The following SGCZ variants were observed in gnomAD, a reference collection of about 807,000 sequenced individuals.
SGCZ encodes the protein zeta-sarcoglycan.
In SGCZ, 40 loss-of-function variants were observed where a neutral mutation model predicts 41.3. That is an observed-to-expected ratio of 0.97 (90% confidence interval 0.75 to 1.26). SGCZ has a LOEUF of 1.26. Among genes scored for constraint, SGCZ ranks in the 50% most tolerant of loss-of-function variants. SGCZ has a pLI of 0.00. For synonymous variants in SGCZ, 206 were observed against 137.5 expected, an observed-to-expected ratio of 1.50 and a Z score of -3.49; for missense variants, 552 against 369.8, an observed-to-expected ratio of 1.49 and a Z score of -4.04.
At chr8:14,250,397 A>C (rs951967691) in intron 3 of SGCZ, among the ~76,000 whole-genome samples, 1 of 152,202 alleles carries the variant, frequency 6.6e-6, no homozygotes, top group Non-Finnish European at 1.5e-5. Flanking sequence ...TTTTTAAAGC[A>C]ATACTGCAGT....
intron 1 of SGCZ, among the ~76,000 whole-genome samples, chr8:14,907,712 A>G (rs1799161419): frequency 6.6e-6 from 1 of 152,148 alleles, no homozygotes; most frequent in Admixed American, 6.5e-5. Context: ...GAGTGCGTCC[A>G]TTAGGGTTGT....
intron 2 of SGCZ, among the ~76,000 whole-genome samples, chr8:14,335,054 A>T (rs1485940381): frequency 6.6e-6 from 1 of 152,138 alleles, no homozygotes; most frequent in Admixed American, 6.6e-5. Context: ...GCACATGAAG[A>T]CACAGATGAG....
At chr8:14,200,478 G>C (rs1019598920) in intron 4 of SGCZ, among the ~76,000 whole-genome samples, 2 of 152,110 alleles carry the variant, frequency 1.3e-5, no homozygotes, top group Admixed American at 6.5e-5. Context: ...ATCATGTACA[G>C]TGCAGTATTT....
chr8:14,342,478 G>A (rs1022465849), intron 2 of SGCZ, among the ~76,000 whole-genome samples: 1 of 152,040 alleles, frequency 6.6e-6, no homozygotes, highest in Non-Finnish European at 1.5e-5. Flanking sequence ...ATCACGCCCG[G>A]CTAATTTTTT....
chr8:15,053,062 C>G (rs1448284308), intron 1 of SGCZ, among the ~76,000 whole-genome samples: 1 of 152,156 alleles, frequency 6.6e-6, no homozygotes, highest in Non-Finnish European at 1.5e-5. Flanking sequence ...AATCTATACT[C>G]TAACCCAAGC....
intron 2 of SGCZ, among the ~76,000 whole-genome samples, chr8:14,415,674 T>A (rs1025209802): frequency 1.3e-5 from 2 of 151,970 alleles, no homozygotes; most frequent in African/African-American, 2.4e-5. Flanking sequence ...AGTGAATTTA[T>A]TAAAGCTGTA....
chr8:15,031,782 C>G (rs933698081), intron 1 of SGCZ, among the ~76,000 whole-genome samples: 1 of 152,124 alleles, frequency 6.6e-6, no homozygotes, highest in Non-Finnish European at 1.5e-5. Context: ...GTCAAATAAA[C>G]AGTGAACAGG....
intron 1 of SGCZ, among the ~76,000 whole-genome samples, chr8:14,818,429 AACAT>A (rs1423556448): frequency 6.6e-6 from 1 of 152,186 alleles, no homozygotes; most frequent in Non-Finnish European, 1.5e-5. Context: ...AACCAAAACC[AACAT>A]ACCATAACAA....
intron 1 of SGCZ, among the ~76,000 whole-genome samples, chr8:14,953,660 C>G (rs17608413): frequency 6.6e-6 from 1 of 151,854 alleles, no homozygotes; most frequent in African/African-American, 2.4e-5. Flanking sequence ...ACTATGCAGA[C>G]TTTTAAGTCA....
chr8:15,005,939 C>A (rs896214329), intron 1 of SGCZ, among the ~76,000 whole-genome samples: 1 of 152,038 alleles, frequency 6.6e-6, no homozygotes, highest in Non-Finnish European at 1.5e-5. Flanking sequence ...ATGAGAAATT[C>A]TTCTCCCACC....
At chr8:14,986,031 T>G (rs1801815403) in intron 1 of SGCZ, among the ~76,000 whole-genome samples, 1 of 151,908 alleles carries the variant, frequency 6.6e-6, no homozygotes, top group Non-Finnish European at 1.5e-5. Flanking sequence ...GTATGGAACA[T>G]TTTTAAGTTT....
intron 2 of SGCZ, among the ~76,000 whole-genome samples, chr8:14,346,812 T>C (rs1197065165): frequency 6.6e-6 from 1 of 152,036 alleles, no homozygotes; most frequent in African/African-American, 2.4e-5. Flanking sequence ...GATACATAAA[T>C]ATTTGTGTGC....
At chr8:14,754,797 G>C (rs527813967) in intron 1 of SGCZ, among the ~76,000 whole-genome samples, 2 of 152,164 alleles carry the variant, frequency 1.3e-5, no homozygotes, top group Admixed American at 6.5e-5. Flanking sequence ...AACCTTCCTG[G>C]GCTCAAGCAA....
intron 1 of SGCZ, among the ~76,000 whole-genome samples, chr8:15,220,058 T>C (rs759378776): frequency 2.4e-4 from 36 of 152,140 alleles, no homozygotes; most frequent in Non-Finnish European, 2.2e-4. Flanking sequence ...TACATATAAC[T>C]AACAGATATG....
intron 1 of SGCZ, among the ~76,000 whole-genome samples, chr8:14,933,686 T>A (rs7844008): frequency 0.12 from 18,029 of 151,908 alleles, 1,263 homozygotes; most frequent in African/African-American, 0.18. Context: ...TCTCCTGACC[T>A]CGTGATCTGC....
chr8:14,096,802 G>C (rs1001153187), intron 7 of SGCZ, among the ~76,000 whole-genome samples: 1 of 152,046 alleles, frequency 6.6e-6, no homozygotes, highest in African/African-American at 2.4e-5. Flanking sequence ...GGTTCATTTA[G>C]GTATTCGACT....
chr8:15,164,888 T>C (rs576549055), intron 1 of SGCZ, among the ~76,000 whole-genome samples: 2 of 152,238 alleles, frequency 1.3e-5, no homozygotes, highest in Admixed American at 6.5e-5. Flanking sequence ...GGAATAAGCT[T>C]CTTTCTGGTT....
At chr8:15,068,269 C>A (rs1231002221) in intron 1 of SGCZ, among the ~76,000 whole-genome samples, 2 of 152,210 alleles carry the variant, frequency 1.3e-5, no homozygotes, top group African/African-American at 2.4e-5. Context: ...GATTTCCATT[C>A]TAAAGAGACT....
chr8:14,701,806 A>G (rs117803486), intron 1 of SGCZ, among the ~76,000 whole-genome samples: 2,097 of 151,722 alleles, frequency 0.014, 25 homozygotes, highest in Non-Finnish European at 0.021. Flanking sequence ...ACCTCTATTG[A>G]CCCACCCAAG....
Sources: allele counts gnomAD v4.1 joint callset (sites outside exome capture counted in the v4.1 genomes callset), GRCh38; gene constraint gnomAD v4.1.1; transcripts MANE v1.5; gene names NCBI Gene and HGNC (gene_info 2026-07-23, HGNC 2026-07-21).